The following FERMT2 variants were observed in gnomAD, a reference collection of about 807,000 sequenced individuals.
The protein encoded by FERMT2 is FERM domain containing kindlin 2, also known as fermitin family homolog 2.
A neutral mutation model predicts 82.7 loss-of-function variants in FERMT2; 15 were observed. The ratio of observed to expected loss-of-function variants is 0.18; its 90% CI spans 0.12 to 0.28. The LOEUF (loss-of-function observed/expected upper bound fraction) is 0.28, where lower values mean the gene tolerates loss of function less well. FERMT2 is among the 10% of genes least tolerant of loss of function. The probability of loss-of-function intolerance (pLI) is 1.00; values close to 1 mark genes in which losing one functional copy is unlikely to be tolerated. For synonymous variants in FERMT2, 274 were observed against 271.5 expected, an observed-to-expected ratio of 1.01 and a Z score of -0.09; for missense variants, 645 against 809.4, an observed-to-expected ratio of 0.80 and a Z score of 2.46.
chr14:52,902,377 C>A (rs1372162731), intron 3 of FERMT2, among the ~76,000 whole-genome samples: 1 of 143,960 alleles, frequency 6.9e-6, no homozygotes, highest in Non-Finnish European at 1.5e-5. Context: ...TGGGCGACAA[C>A]AGCAAAACTC....
chr14:52,882,020 GTTTT>G (rs770991144), intron 4 of FERMT2, among the ~76,000 whole-genome samples: 10 of 151,920 alleles, frequency 6.6e-5, no homozygotes, highest in Admixed American at 1.3e-4. Flanking sequence ...AAGTAAAACG[GTTTT>G]TTTTGTTCAA....
At chr14:52,892,212 G>A (rs1199203985) in intron 4 of FERMT2, among the ~76,000 whole-genome samples, 2 of 141,390 alleles carry the variant, frequency 1.4e-5, no homozygotes, top group African/African-American at 5.3e-5. Context: ...ACCCAGGTTG[G>A]CTCACTGCAA....
Position 52,919,184 on chromosome 14 carries a change from C to T in FERMT2, c.330G>A (p.Lys110=), listed in dbSNP as rs770530528. 5 of 1,613,928 alleles carry T rather than the reference C, an allele frequency of 3.1e-6. No individual in the cohort carries two copies. The African/African-American group carries it at 5.3e-5, about 17-fold the overall frequency. The change falls in exon 3 of 15, where the codon AAG becomes AAA. Residue 110 remains lysine, a synonymous_variant. Coordinates refer to ENST00000341590, the MANE Select transcript of FERMT2 (RefSeq NM_006832.3). The part of the protein sequence containing the change: ...RLQLPNMKYV[K]VKVNFSDRVF... ...CTCTATCAGAGAAATTCACTTTCAC[C>T]TTCACATACTTCATGTTGGGAAGCT...
intron 4 of FERMT2, among the ~76,000 whole-genome samples, chr14:52,892,440 C>G (rs1484244112): frequency 6.8e-5 from 9 of 132,258 alleles, no homozygotes; most frequent in Non-Finnish European, 1.3e-4. Context: ...CAGTACCCCG[C>G]CTGGTGCTGT....
chr14:52,873,076 C>G (rs1021319455), intron 9 of FERMT2, among the ~76,000 whole-genome samples, 153 bp from the exon 10 acceptor site: 8 of 152,204 alleles, frequency 5.3e-5, no homozygotes, highest in Non-Finnish European at 1.2e-4. Flanking sequence ...TTAGTCAGTG[C>G]TACTGTTACT....
rs2139546601 is a variant in FERMT2 at position 52,893,280 on chromosome 14, G to A, written c.526+13C>T. The A allele has an allele frequency of 6.3e-7, 1 of 1,583,922 alleles. No homozygotes were observed. The highest frequency in any genetic ancestry group is 1.4e-5 in the African/African-American group (1 of 72,774). On this transcript the variant is annotated intron_variant, in intron 4 of 14. Transcript: ENST00000341590. ...GTTCTTACTTTGAGTCCATTGCTTG[G>A]TAAAAGTCTTACCTGATCCAGGAGT...
At chr14:52,927,590 T>TAAAA (rs1566755584) in intron 2 of FERMT2, among the ~76,000 whole-genome samples, 1 of 11,784 alleles carries the variant, frequency 8.5e-5, no homozygotes, top group African/African-American at 2.5e-4. Context: ...ACCTCATCCC[T>TAAAA]ATAAAAAAAA....
intron 2 of FERMT2, among the ~76,000 whole-genome samples, chr14:52,920,118 G>C (rs8009633): frequency 0.19 from 28,975 of 152,046 alleles, 3,334 homozygotes; most frequent in East Asian, 0.41. Flanking sequence ...ATTTACACAA[G>C]ATTTAGCTAC....
At chr14:52,859,785 A>T in intron 13 of FERMT2, 71 bp from the exon 14 acceptor site, 2 of 900,222 alleles carry the variant, frequency 2.2e-6, no homozygotes, top group Non-Finnish European at 3.3e-6. Flanking sequence ...TTTCTTCAAG[A>T]TAAGTGTTCT....
At chr14:52,910,009 C>T (rs1172196496) in intron 3 of FERMT2, among the ~76,000 whole-genome samples, 1 of 152,068 alleles carries the variant, frequency 6.6e-6, no homozygotes, top group Non-Finnish European at 1.5e-5. Flanking sequence ...GCTGAGATTG[C>T]GCCACTGCAC....
intron 3 of FERMT2, among the ~76,000 whole-genome samples, chr14:52,896,996 T>C (rs1020012327): frequency 2.4e-4 from 20 of 82,552 alleles, no homozygotes; most frequent in African/African-American, 9.4e-4. Context: ...GCAAAACAAA[T>C]AAAACACACA....
chr14:52,919,569 G>A (rs1290107601), intron 2 of FERMT2, among the ~76,000 whole-genome samples: 2 of 152,168 alleles, frequency 1.3e-5, no homozygotes, highest in Non-Finnish European at 2.9e-5. Context: ...AGAATATATA[G>A]GGCAACTAAG....
intron 13 of FERMT2, 29 bp from the exon 14 acceptor site, chr14:52,859,743 AAAC>A (rs754990637): frequency 4.5e-5 from 65 of 1,436,652 alleles, no homozygotes; most frequent in Admixed American, 1.0e-4. Context: ...GAACGGTTAA[AAAC>A]ATGTTGTGGG....
At chr14:52,912,130 C>G (rs1445914623) in intron 3 of FERMT2, among the ~76,000 whole-genome samples, 1 of 152,074 alleles carries the variant, frequency 6.6e-6, no homozygotes, top group Non-Finnish European at 1.5e-5. Flanking sequence ...TACTTGGACT[C>G]TCACCAAATA....
chr14:52,906,518 T>C (rs1240544680), intron 3 of FERMT2, among the ~76,000 whole-genome samples: 2 of 122,214 alleles, frequency 1.6e-5, no homozygotes, highest in Non-Finnish European at 1.6e-5. Context: ...CTATGACGCA[T>C]AATGACACAT....
chr14:52,915,114 T>A (rs1373825351), intron 3 of FERMT2, among the ~76,000 whole-genome samples: 2 of 152,254 alleles, frequency 1.3e-5, no homozygotes, highest in South Asian at 2.1e-4. Context: ...AAACTTTTTT[T>A]AAAAAGCACA....
chr14:52,919,763 G>C (rs1888846169), intron 2 of FERMT2, among the ~76,000 whole-genome samples: 1 of 152,320 alleles, frequency 6.6e-6, no homozygotes, highest in African/African-American at 2.4e-5. Flanking sequence ...ACAGACTGTG[G>C]TTTATGAAGT....
At chr14:52,945,288 T>C (rs1038539111) in intron 2 of FERMT2, among the ~76,000 whole-genome samples, 1 of 151,836 alleles carries the variant, frequency 6.6e-6, no homozygotes, top group African/African-American at 2.4e-5. Context: ...ATCTCGCTCA[T>C]CACCCAGGCT....
chr14:52,922,062 G>C (rs1318300012), intron 2 of FERMT2, among the ~76,000 whole-genome samples: 1 of 152,084 alleles, frequency 6.6e-6, no homozygotes, highest in Non-Finnish European at 1.5e-5. Context: ...TAAGAACTTG[G>C]GTGCAAGCAG....
Sources: allele counts gnomAD v4.1 joint callset (sites outside exome capture counted in the v4.1 genomes callset), GRCh38; gene constraint gnomAD v4.1.1; transcripts MANE v1.5; gene names NCBI Gene and HGNC (gene_info 2026-07-23, HGNC 2026-07-21).